The following PTPRM variants were observed in gnomAD, a reference collection of about 807,000 sequenced individuals.
PTPRM encodes protein tyrosine phosphatase receptor type M.
Under a neutral mutation model 186.7 loss-of-function variants are expected in PTPRM, and 47 were observed. The observed-to-expected ratio is 0.25, with a 90% CI of 0.20 to 0.32. The LOEUF is 0.32. Ranked by LOEUF, PTPRM falls within the 10% of genes least tolerant of loss-of-function variation. The probability of loss-of-function intolerance (pLI) is 1.00; values close to 1 mark genes in which losing one functional copy is unlikely to be tolerated. For missense variants in PTPRM, 1,494 were observed against 1,865.0 expected (o/e 0.80, Z 3.66); for synonymous variants, 668 against 674.9 (o/e 0.99, Z 0.16).
intron 28 of PTPRM, among the ~76,000 whole-genome samples, chr18:8,379,719 C>T (rs1403357984): frequency 1.3e-5 from 2 of 152,194 alleles, no homozygotes; most frequent in Non-Finnish European, 2.9e-5. Context: ...GAAAGTTCAA[C>T]TCATTACTTC....
intron 7 of PTPRM, among the ~76,000 whole-genome samples, chr18:8,020,037 T>C (rs772044748): frequency 3.3e-5 from 5 of 152,054 alleles, no homozygotes; most frequent in Non-Finnish European, 5.9e-5. Flanking sequence ...CAAAGTCTTA[T>C]TGCCAAGGAG....
At chr18:7,830,921 G>C (rs1375746759) in intron 2 of PTPRM, among the ~76,000 whole-genome samples, 1 of 152,138 alleles carries the variant, frequency 6.6e-6, no homozygotes, top group Non-Finnish European at 1.5e-5. Context: ...TCTGCATTTT[G>C]GTTGTTTTTG....
chr18:8,245,441 C>G (rs771866365), intron 15 of PTPRM, among the ~76,000 whole-genome samples: 2 of 152,132 alleles, frequency 1.3e-5, no homozygotes, highest in Non-Finnish European at 2.9e-5. Context: ...CCTTTCCTGT[C>G]ATTTTCAGTG....
chr18:8,270,883 T>C (rs2094763366), intron 19 of PTPRM, among the ~76,000 whole-genome samples: 1 of 152,132 alleles, frequency 6.6e-6, no homozygotes, highest in Admixed American at 6.6e-5. Flanking sequence ...GTACAAACTT[T>C]AGTTATTAGA....
intron 2 of PTPRM, among the ~76,000 whole-genome samples, chr18:7,867,396 G>T (rs1402834200): frequency 6.6e-6 from 1 of 152,122 alleles, no homozygotes; most frequent in East Asian, 1.9e-4. Flanking sequence ...AGGCCTGGTG[G>T]TAACAAAATC....
rs766486191 is a variant in PTPRM at position 8,376,588 on chromosome 18, G to A, written c.3453G>A (p.Val1151=). ...TGCGGTCACGGAGGGTGAACATGGT[G>A]CAAACAGAGGTACTCCCGCTCATCA... is the stretch of plus-strand genomic sequence containing the variant. ...RELRSRRVNM[V]QTEEQYVFIH... Residue 1151 remains valine (V), a synonymous_variant, in exon 26 of 33, where the codon GTG becomes GTA. Transcript: ENST00000580170. 17 of 1,612,648 alleles carry A rather than the reference G, an allele frequency of 1.1e-5. No individual in the cohort carries two copies. In the Admixed American group the frequency reaches 2.7e-4, roughly 25 times the overall value.
chr18:7,652,965 CAAT>C (rs1023334851), intron 1 of PTPRM, among the ~76,000 whole-genome samples: 5 of 151,530 alleles, frequency 3.3e-5, no homozygotes, highest in African/African-American at 1.2e-4. Flanking sequence ...TAAAATTCAA[CAAT>C]AAGAAAACAA....
At chr18:7,772,353 T>TTCTTTCTTTCTTTCTTTCTTTC (rs1568108062) in intron 1 of PTPRM, among the ~76,000 whole-genome samples, 21 of 17,028 alleles carry the variant, frequency 1.2e-3, no homozygotes, top group African/African-American at 2.9e-3. Flanking sequence ...TTCTTTCTCT[T>TTCTTTCTTTCTTTCTTTCTTTC]TCTTTCTTTC....
intron 7 of PTPRM, among the ~76,000 whole-genome samples, chr18:8,004,351 T>C (rs1250190203): frequency 1.3e-5 from 2 of 152,108 alleles, no homozygotes; most frequent in Non-Finnish European, 2.9e-5. Context: ...ATGTGAGTAA[T>C]GTCTGCCTTA....
chr18:7,707,645 A>G (rs964568496), intron 1 of PTPRM, among the ~76,000 whole-genome samples: 1 of 152,132 alleles, frequency 6.6e-6, no homozygotes, highest in African/African-American at 2.4e-5. Flanking sequence ...TCTCTAAATA[A>G]TAAATAATGA....
At chr18:7,645,078 A>G (rs975785097) in intron 1 of PTPRM, among the ~76,000 whole-genome samples, 1 of 152,198 alleles carries the variant, frequency 6.6e-6, no homozygotes, top group Admixed American at 6.5e-5. Flanking sequence ...CTGTCATATT[A>G]AAGTAGTTAA....
chr18:8,041,746 G>A (rs956893620), intron 7 of PTPRM, among the ~76,000 whole-genome samples: 1 of 152,134 alleles, frequency 6.6e-6, no homozygotes, highest in African/African-American at 2.4e-5. Context: ...GGTGCAGTGG[G>A]GCAAACTGTC....
chr18:8,057,131 G>A (rs1415670891), intron 7 of PTPRM, among the ~76,000 whole-genome samples: 2 of 149,632 alleles, frequency 1.3e-5, no homozygotes, highest in Non-Finnish European at 3.0e-5. Flanking sequence ...TATAATAAAA[G>A]TACAAAACCA....
intron 4 of PTPRM, among the ~76,000 whole-genome samples, chr18:7,914,540 G>A (rs994497850): frequency 3.9e-5 from 6 of 151,970 alleles, no homozygotes; most frequent in African/African-American, 1.5e-4. Context: ...AGTAAATATA[G>A]GGATTACATT....
intron 11 of PTPRM, among the ~76,000 whole-genome samples, chr18:8,092,769 A>C (rs1030001803): frequency 6.6e-6 from 1 of 152,132 alleles, no homozygotes; most frequent in Non-Finnish European, 1.5e-5. Flanking sequence ...GTTTGAGACC[A>C]CCCTGGGCAA....
chr18:7,914,773 G>A (rs1447802200), intron 4 of PTPRM, among the ~76,000 whole-genome samples: 1 of 152,116 alleles, frequency 6.6e-6, no homozygotes, highest in African/African-American at 2.4e-5. Flanking sequence ...AAATATATTG[G>A]TTCTCAGCGT....
At chr18:8,361,529 T>A (rs115596593) in intron 23 of PTPRM, among the ~76,000 whole-genome samples, 1 of 152,198 alleles carries the variant, frequency 6.6e-6, no homozygotes. Flanking sequence ...TAAAAGACAT[T>A]AATAAATTGG....
At chr18:7,963,882 G>A (rs1387586352) in intron 7 of PTPRM, among the ~76,000 whole-genome samples, 1 of 152,184 alleles carries the variant, frequency 6.6e-6, no homozygotes, top group Non-Finnish European at 1.5e-5. Context: ...CTACAGCTGT[G>A]AGCGTGGTCC....
chr18:7,736,717 C>T (rs1425695732), intron 1 of PTPRM, among the ~76,000 whole-genome samples: 3 of 152,188 alleles, frequency 2.0e-5, no homozygotes, highest in African/African-American at 7.2e-5. Flanking sequence ...GGGAGTTTCA[C>T]AATGTTCTTC....
Sources: gnomAD v4.1 joint callset for allele counts (sites outside exome capture counted in the v4.1 genomes callset) on GRCh38, gnomAD v4.1.1 for gene constraint, MANE v1.5 for transcripts, NCBI Gene and HGNC (gene_info 2026-07-23, HGNC 2026-07-21) for gene names.